TENM2: variants seen among roughly 807,000 people sequenced by gnomAD.
TENM2 encodes the protein teneurin-2.
In TENM2, 52 loss-of-function variants were observed where a neutral mutation model predicts 245.2. The ratio of observed to expected loss-of-function variants is 0.21; its 90% confidence interval spans 0.17 to 0.27. The LOEUF is 0.27. TENM2 is among the 10% of genes least tolerant of loss of function. TENM2 has a pLI of 1.00. For synonymous variants in TENM2, 1,363 were observed against 1,438.9 expected (o/e 0.95, Z 1.19); for missense variants, 3,046 against 3,666.8 (o/e 0.83, Z 4.37).
At chr5:168,102,427 A>G (rs1022485918) in intron 9 of TENM2, among the ~76,000 whole-genome samples, 1 of 152,182 alleles carries the variant, frequency 6.6e-6, no homozygotes, top group Admixed American at 6.5e-5. Context: ...AAAAGGAAAA[A>G]CTATAGGAAA....
the TENM2 span, among the ~76,000 whole-genome samples, chr5:167,187,857 G>T: frequency 3.9e-5 from 6 of 152,062 alleles, no homozygotes; most frequent in Admixed American, 1.3e-4. Context: ...GATTTTCCAA[G>T]AACAGGTGAA....
At chr5:167,263,225 A>G in the TENM2 span, among the ~76,000 whole-genome samples, 1 of 152,228 alleles carries the variant, frequency 6.6e-6, no homozygotes. Flanking sequence ...GTTAAGTACT[A>G]TGTTAATGTT....
chr5:168,022,684 T>C (rs750446121), intron 5 of TENM2, among the ~76,000 whole-genome samples: 6 of 152,224 alleles, frequency 3.9e-5, no homozygotes, highest in African/African-American at 7.2e-5. Flanking sequence ...CTCCATGAAA[T>C]GGAGCATTGT....
At chr5:167,796,756 T>C (rs958295202) in intron 2 of TENM2, among the ~76,000 whole-genome samples, 2 of 152,120 alleles carry the variant, frequency 1.3e-5, no homozygotes, top group African/African-American at 4.8e-5. Flanking sequence ...AGGCTGGTAA[T>C]AGCAACTAGA....
At chr5:167,446,828 G>T (rs372882838) in intron 2 of TENM2, among the ~76,000 whole-genome samples, 1,790 of 105,766 alleles carry the variant, frequency 0.017, 15 homozygotes, top group Middle Eastern at 0.03. Flanking sequence ...CACACACACA[G>T]ACATACATAC....
chr5:168,013,565 C>T (rs894840230), intron 5 of TENM2, among the ~76,000 whole-genome samples: 2 of 152,150 alleles, frequency 1.3e-5, no homozygotes, highest in Non-Finnish European at 2.9e-5. Context: ...GATCGTGCCA[C>T]TGCACTCCTG....
At chr5:167,899,620 C>T (rs1775524710) in intron 3 of TENM2, among the ~76,000 whole-genome samples, 2 of 152,040 alleles carry the variant, frequency 1.3e-5, no homozygotes, top group South Asian at 4.2e-4. Flanking sequence ...GTCCAGCTCC[C>T]GAGAGACACC....
At chr5:167,782,746 C>T (rs1332081777) in intron 2 of TENM2, among the ~76,000 whole-genome samples, 1 of 152,094 alleles carries the variant, frequency 6.6e-6, no homozygotes, top group Admixed American at 6.6e-5. Flanking sequence ...ATCTTTTCAC[C>T]AAGGAATTAG....
At chr5:167,408,817 T>A (rs1474421793) in intron 2 of TENM2, among the ~76,000 whole-genome samples, 2 of 150,226 alleles carry the variant, frequency 1.3e-5, no homozygotes, top group African/African-American at 4.9e-5. Context: ...TTAATATGTA[T>A]CTATAGTGTA....
the TENM2 span, among the ~76,000 whole-genome samples, chr5:167,050,338 G>T: frequency 2.0e-5 from 3 of 152,060 alleles, no homozygotes; most frequent in Admixed American, 2.0e-4. Context: ...TACATGCTCC[G>T]TATGAGAATC....
chr5:167,721,448 G>A (rs1446762726), intron 2 of TENM2: 2 of 152,216 alleles, frequency 1.3e-5, no homozygotes, highest in Non-Finnish European at 1.5e-5. Context: ...TAAAATCAAG[G>A]TGTTAGTTGG....
chr5:168,190,570 A>G (rs766641217), intron 14 of TENM2, 23 bp downstream of exon 16: 4 of 1,598,884 alleles, frequency 2.5e-6, no homozygotes, highest in Non-Finnish European at 3.4e-6. Context: ...TGTCCCTGCA[A>G]ACTCCTGAAG....
intron 2 of TENM2, among the ~76,000 whole-genome samples, chr5:167,546,602 TTAGGAAAGAGAGGG>T (rs1235840680): frequency 6.6e-6 from 1 of 152,122 alleles, no homozygotes; most frequent in Admixed American, 6.5e-5. Context: ...TAAACCTAAA[TTAGGAAAGAGAGGG>T]TAGGATTGAT....
intron 2 of TENM2, among the ~76,000 whole-genome samples, chr5:167,793,940 C>A (rs1765150808): frequency 6.6e-6 from 1 of 151,656 alleles, no homozygotes; most frequent in African/African-American, 2.4e-5. Flanking sequence ...TTCACTTTCA[C>A]TTCTGTATGC....
intron 12 of TENM2, among the ~76,000 whole-genome samples, chr5:168,148,138 G>A (rs940431993): frequency 6.6e-6 from 1 of 152,208 alleles, no homozygotes; most frequent in African/African-American, 2.4e-5. Flanking sequence ...TAGCAGCTGA[G>A]TACCAGCTCC....
At chr5:167,490,552 CTGTT>C (rs35024618) in intron 2 of TENM2, among the ~76,000 whole-genome samples, 2,025 of 152,016 alleles carry the variant, frequency 0.013, 53 homozygotes, top group African/African-American at 0.046. Context: ...TTAATATAGT[CTGTT>C]TTATATATGG....
the TENM2 span, among the ~76,000 whole-genome samples, chr5:167,148,034 G>A: frequency 6.6e-6 from 1 of 152,112 alleles, no homozygotes; most frequent in Non-Finnish European, 1.5e-5. Flanking sequence ...ATAACATGAA[G>A]ATGATCACAA....
chr5:167,109,578 C>T, the TENM2 span, among the ~76,000 whole-genome samples: 2 of 152,078 alleles, frequency 1.3e-5, no homozygotes. Context: ...AATGGAACAT[C>T]CATTCTTTGG....
chr5:167,603,296 T>C (rs1218158038), intron 2 of TENM2, among the ~76,000 whole-genome samples: 1 of 152,166 alleles, frequency 6.6e-6, no homozygotes, highest in African/African-American at 2.4e-5. Flanking sequence ...TGTCATCTAT[T>C]TGGGAGGAAA....
Sources: allele counts gnomAD v4.1 joint callset (sites outside exome capture counted in the v4.1 genomes callset), GRCh38; gene constraint gnomAD v4.1.1; transcripts MANE v1.5; gene names NCBI Gene and HGNC (gene_info 2026-07-23, HGNC 2026-07-21).